GPM6A: variants seen among roughly 807,000 people sequenced by gnomAD.
The protein encoded by GPM6A is glycoprotein M6A.
A neutral mutation model predicts 32.1 loss-of-function variants in GPM6A; 7 were observed. The observed-to-expected ratio is 0.22, with a 90% CI of 0.12 to 0.41. The LOEUF is 0.41. GPM6A is among the 10% of genes least tolerant of loss of function. GPM6A has a pLI of 1.00. For missense variants in GPM6A, 235 were observed against 347.2 expected (o/e 0.68, Z 2.57); for synonymous variants, 130 against 123.4 (o/e 1.05, Z -0.35).
chr4:175,673,672 T>C lies in GPM6A; in HGVS notation c.387+8A>G, dbSNP rs184016018. ...ACATTAAATACTGAATGTAGAGAAC[T>C]AACATACCCAAGCGCTCACACATCT... On this transcript the variant is annotated splice_region_variant and intron_variant, in intron 3 of 6. Coordinates refer to ENST00000393658, the MANE Select transcript of GPM6A (RefSeq NM_201591.3). The C allele has an allele frequency of 9.7e-5, 155 of 1,597,738 alleles. No individual in the cohort carries two copies. In the African/African-American group the frequency reaches 1.9e-3, roughly 20 times the overall value.
At chr4:175,813,399 C>T (rs2111335451), upstream of GPM6A, among the ~76,000 whole-genome samples, 1 of 152,270 alleles carries the variant, frequency 6.6e-6, no homozygotes, top group South Asian at 2.1e-4. Context: ...CAATACTTCA[C>T]AAAAGGTATA....
At chr4:175,653,085 G>T (rs953511268) in intron 3 of GPM6A, among the ~76,000 whole-genome samples, 2 of 151,960 alleles carry the variant, frequency 1.3e-5, no homozygotes, top group African/African-American at 4.8e-5. Flanking sequence ...CACGATTTAG[G>T]TGAAATCTCA....
intron 1 of GPM6A, among the ~76,000 whole-genome samples, chr4:175,740,520 A>G (rs192124536): frequency 2.1e-4 from 32 of 152,114 alleles, no homozygotes; most frequent in Admixed American, 1.8e-3. Context: ...CTGTTTTCTT[A>G]CAGTATCTTC....
At chr4:175,949,425 G>A (rs1017985671) in intron 1 of GPM6A, among the ~76,000 whole-genome samples, 8 of 151,952 alleles carry the variant, frequency 5.3e-5, no homozygotes, top group African/African-American at 1.5e-4. Context: ...TCAGCCTCCC[G>A]AAGTGCTAGG....
chr4:175,677,485 A>G (rs1743437087), intron 2 of GPM6A, among the ~76,000 whole-genome samples: 1 of 152,180 alleles, frequency 6.6e-6, no homozygotes, highest in Non-Finnish European at 1.5e-5. Flanking sequence ...ACAAAAGTAC[A>G]AATGAATGGG....
chr4:175,753,456 G>A (rs1233410940), intron 1 of GPM6A, among the ~76,000 whole-genome samples: 1 of 152,088 alleles, frequency 6.6e-6, no homozygotes, highest in Non-Finnish European at 1.5e-5. Flanking sequence ...GATGTTTTAT[G>A]GATGAAAATA....
intron 1 of GPM6A, among the ~76,000 whole-genome samples, chr4:175,792,339 C>T (rs1734044783): frequency 6.6e-6 from 1 of 151,990 alleles, no homozygotes; most frequent in Non-Finnish European, 1.5e-5. Flanking sequence ...TTATTTTATT[C>T]TAAAGTTTTA....
intron 4 of GPM6A, among the ~76,000 whole-genome samples, chr4:175,643,155 C>T: frequency 6.6e-6 from 1 of 152,184 alleles, no homozygotes; most frequent in Non-Finnish European, 1.5e-5. Flanking sequence ...AAATCTCCCA[C>T]TTGGATTAAT....
chr4:175,678,062 T>A (rs1390391000), intron 2 of GPM6A, among the ~76,000 whole-genome samples: 1 of 152,152 alleles, frequency 6.6e-6, no homozygotes, highest in Non-Finnish European at 1.5e-5. Flanking sequence ...GAGTTCATCA[T>A]GTGGAAGCAG....
At chr4:175,981,562 A>C (rs1740816143) in intron 1 of GPM6A, among the ~76,000 whole-genome samples, 1 of 152,050 alleles carries the variant, frequency 6.6e-6, no homozygotes, top group Non-Finnish European at 1.5e-5. Flanking sequence ...TGTTATTGAG[A>C]GTTTCTTCAT....
chr4:175,848,576 T>C (rs960898380), intron 1 of GPM6A, among the ~76,000 whole-genome samples: 5 of 152,152 alleles, frequency 3.3e-5, no homozygotes, highest in African/African-American at 1.2e-4. Context: ...GAGTTACACA[T>C]AATGAAGATC....
In GPM6A at chr4:175,854,371, GA is replaced by G. The variant is rs1476148996; in HGVS notation, c.-22-42123del. On this transcript the variant is annotated intron_variant, in intron 1 of 7. Coordinates refer to the GPM6A transcript ENST00000280187. ...TTTATCTGATAGCAATGAAAGCTTA[GA>G]AAGGTGAAAATCCTAGGACTCAAGA... Among the ~76,000 whole-genome samples the G allele has an allele frequency of 3.3e-5, 5 of 152,264 alleles. No homozygotes were observed. The East Asian group carries it at 9.6e-4, about 29-fold the overall frequency.
At chr4:175,723,552 TTGGCTAGAA>T (rs1746251129) in intron 1 of GPM6A, among the ~76,000 whole-genome samples, 1 of 152,114 alleles carries the variant, frequency 6.6e-6, no homozygotes, top group Non-Finnish European at 1.5e-5. Flanking sequence ...CTGGGGGAGT[TTGGCTAGAA>T]TGCTATATTT....
At chr4:175,821,596 T>G (rs1464904113) in intron 1 of GPM6A, among the ~76,000 whole-genome samples, 1 of 152,096 alleles carries the variant, frequency 6.6e-6, no homozygotes, top group Non-Finnish European at 1.5e-5. Flanking sequence ...ATGAGATCTC[T>G]TTCCATATGT....
intron 1 of GPM6A, among the ~76,000 whole-genome samples, chr4:175,703,658 C>T (rs993324941): frequency 6.6e-5 from 10 of 152,172 alleles, no homozygotes; most frequent in African/African-American, 2.4e-4. Context: ...TCACAATTTC[C>T]TAGGCTATTG....
intron 4 of GPM6A, among the ~76,000 whole-genome samples, chr4:175,648,605 A>G (rs577563465): frequency 1.3e-5 from 2 of 152,320 alleles, no homozygotes; most frequent in East Asian, 3.9e-4. Flanking sequence ...AGACAAAGCT[A>G]AAACCAAAAG....
At chr4:175,699,361 T>C (rs1744746270) in intron 2 of GPM6A, among the ~76,000 whole-genome samples, 1 of 152,206 alleles carries the variant, frequency 6.6e-6, no homozygotes, top group Non-Finnish European at 1.5e-5. Flanking sequence ...TTTGGTTTTA[T>C]ACATAGGTTT....
chr4:175,671,842 T>A (rs1043855049), intron 3 of GPM6A, among the ~76,000 whole-genome samples: 14 of 152,112 alleles, frequency 9.2e-5, no homozygotes, highest in African/African-American at 3.4e-4. Context: ...TTCCGGGGTG[T>A]CAGGGAGGTG....
chr4:175,910,317 A>G (rs1738273638), intron 1 of GPM6A, among the ~76,000 whole-genome samples: 1 of 152,176 alleles, frequency 6.6e-6, no homozygotes. Flanking sequence ...TCTCCTTTTA[A>G]TAATAAAAAT....
Sources: allele counts gnomAD v4.1 joint callset (sites outside exome capture counted in the v4.1 genomes callset), GRCh38; gene constraint gnomAD v4.1.1; transcripts MANE v1.5; gene names NCBI Gene and HGNC (gene_info 2026-07-23, HGNC 2026-07-21).